SGCD: variants seen among roughly 807,000 people sequenced by gnomAD.
SGCD encodes sarcoglycan delta, also known as delta-sarcoglycan.
In SGCD, 18 loss-of-function variants were observed where a neutral mutation model predicts 36.6. The ratio of observed to expected loss-of-function variants is 0.49; its 90% CI spans 0.34 to 0.73. SGCD has a LOEUF of 0.73. SGCD is among the 30% of genes least tolerant of loss of function. The pLI is 0.01. For synonymous variants in SGCD, 133 were observed against 130.6 expected, an observed-to-expected ratio of 1.02 and a Z score of -0.12; for missense variants, 387 against 346.7, an observed-to-expected ratio of 1.12 and a Z score of -0.92.
chr5:156,355,166 A>C (rs539346433), intron 3 of SGCD, among the ~76,000 whole-genome samples: 9 of 152,132 alleles, frequency 5.9e-5, no homozygotes, highest in Non-Finnish European at 1.3e-4. Flanking sequence ...CTAATGTCCT[A>C]CTTCTTAGCT....
In SGCD at chr5:156,435,715, T is replaced by C. The variant is rs973067207; in HGVS notation, c.193-72886T>C. ...CCTCCTGAGTCCATGTATGCTAATATGCATGGGCTACTAACTGTTTAAAAA... is the reference window on the plus strand; with the variant it reads ...CCTCCTGAGTCCATGTATGCTAATACGCATGGGCTACTAACTGTTTAAAAA... On this transcript the variant is annotated intron_variant, in intron 3 of 8. Transcript: ENST00000337851. 2.0e-5 allele frequency among the ~76,000 whole-genome samples: 3 copies of C among 152,352 alleles called. No individual in the cohort carries two copies. In the East Asian group the frequency reaches 5.8e-4, roughly 29 times the overall value.
chr5:156,348,432 C>G (rs184191779), intron 3 of SGCD, among the ~76,000 whole-genome samples: 1 of 152,226 alleles, frequency 6.6e-6, no homozygotes, highest in East Asian at 1.9e-4. Flanking sequence ...AATCAATGTA[C>G]ACAAATGAGC....
intron 7 of SGCD, among the ~76,000 whole-genome samples, chr5:156,672,685 G>T (rs1032730200): frequency 6.6e-6 from 1 of 152,128 alleles, no homozygotes; most frequent in Non-Finnish European, 1.5e-5. Flanking sequence ...TCATCCTTAT[G>T]GGTTTGGGTC....
At chr5:156,324,157 T>G (rs901323622), upstream of SGCD, among the ~76,000 whole-genome samples, 1 of 152,220 alleles carries the variant, frequency 6.6e-6, no homozygotes, top group Non-Finnish European at 1.5e-5. Context: ...CCAAGAACAT[T>G]TGAGGAGCTC....
At chr5:155,734,160 TTATTA>T in the SGCD span, among the ~76,000 whole-genome samples, 1 of 144,898 alleles carries the variant, frequency 6.9e-6, no homozygotes, top group Non-Finnish European at 1.5e-5. Flanking sequence ...AATGTTACTG[TTATTA>T]TATTAATTAA....
intron 1 of SGCD, among the ~76,000 whole-genome samples, chr5:156,027,503 T>C (rs764196352): frequency 1.3e-5 from 2 of 152,206 alleles, no homozygotes; most frequent in Admixed American, 6.5e-5. Context: ...ATGATGACAA[T>C]TGAATAGCAG....
chr5:156,711,509 A>T (rs181189683), intron 7 of SGCD, among the ~76,000 whole-genome samples: 1 of 152,270 alleles, frequency 6.6e-6, no homozygotes, highest in Admixed American at 6.5e-5. Flanking sequence ...GTACTTTTTA[A>T]TCAATTGTAT....
At chr5:155,731,769 T>C in the SGCD span, among the ~76,000 whole-genome samples, 4 of 152,192 alleles carry the variant, frequency 2.6e-5, no homozygotes, top group Non-Finnish European at 4.4e-5. Flanking sequence ...AAATACAGAC[T>C]ACTGGACCCA....
At chr5:156,470,469 A>G (rs1754908039) in intron 3 of SGCD, among the ~76,000 whole-genome samples, 1 of 152,082 alleles carries the variant, frequency 6.6e-6, no homozygotes, top group South Asian at 2.1e-4. Context: ...CATTAGTTAT[A>G]TCTCCTAATG....
intron 4 of SGCD, among the ~76,000 whole-genome samples, chr5:156,560,166 A>G (rs182218635): frequency 6.6e-6 from 1 of 152,300 alleles, no homozygotes; most frequent in Non-Finnish European, 1.5e-5. Context: ...CAAAACAATT[A>G]AAGAATTTGG....
At chr5:156,101,376 G>A (rs1407531540) in intron 1 of SGCD, among the ~76,000 whole-genome samples, 2 of 152,196 alleles carry the variant, frequency 1.3e-5, no homozygotes, top group East Asian at 1.9e-4. Context: ...CATATTTCTT[G>A]TAGGTTCCTT....
chr5:155,911,200 CAT>C (rs1289640856), intron 1 of SGCD, among the ~76,000 whole-genome samples: 1 of 151,840 alleles, frequency 6.6e-6, no homozygotes, highest in East Asian at 1.9e-4. Flanking sequence ...TAGCTTATTA[CAT>C]GTGAATTTTC....
intron 3 of SGCD, among the ~76,000 whole-genome samples, chr5:156,236,606 C>T (rs249876): frequency 0.26 from 39,256 of 151,064 alleles, 5,514 homozygotes; most frequent in Non-Finnish European, 0.31. Flanking sequence ...CCTGCCACCA[C>T]GCCCAGCTAA....
chr5:156,498,274 A>C (rs531446684), intron 3 of SGCD, among the ~76,000 whole-genome samples: 9 of 152,104 alleles, frequency 5.9e-5, no homozygotes, highest in Non-Finnish European at 1.0e-4. Flanking sequence ...AAAAAAAAAA[A>C]AAAACACCTC....
At chr5:155,762,224 A>G in the SGCD span, among the ~76,000 whole-genome samples, 1 of 152,154 alleles carries the variant, frequency 6.6e-6, no homozygotes, top group Non-Finnish European at 1.5e-5. Context: ...ACAAGGCCTG[A>G]CAGATGTGAA....
At chr5:156,313,289 A>C (rs1767437303) in intron 3 of SGCD, among the ~76,000 whole-genome samples, 1 of 152,116 alleles carries the variant, frequency 6.6e-6, no homozygotes, top group African/African-American at 2.4e-5. Context: ...TAAATTTTAA[A>C]AGATTCAGAT....
the SGCD span, among the ~76,000 whole-genome samples, chr5:155,788,822 A>T: frequency 6.6e-6 from 1 of 152,154 alleles, no homozygotes; most frequent in African/African-American, 2.4e-5. Context: ...CTGTGAAATC[A>T]CAGGAAGGCC....
At chr5:155,837,106 T>C in the SGCD span, among the ~76,000 whole-genome samples, 9 of 152,332 alleles carry the variant, frequency 5.9e-5, no homozygotes, top group South Asian at 1.4e-3. Flanking sequence ...TAGCAATGTG[T>C]AGTGAACATA....
At chr5:155,964,968 G>A (rs1303947330) in intron 1 of SGCD, among the ~76,000 whole-genome samples, 1 of 152,096 alleles carries the variant, frequency 6.6e-6, no homozygotes, top group African/African-American at 2.4e-5. Context: ...CAACCCTGGG[G>A]CATTGTACCA....
Sources: gnomAD v4.1 joint callset for allele counts (sites outside exome capture counted in the v4.1 genomes callset) on GRCh38, gnomAD v4.1.1 for gene constraint, MANE v1.5 for transcripts, NCBI Gene and HGNC (gene_info 2026-07-23, HGNC 2026-07-21) for gene names.